Variants in GRAMD1B observed in about 807,000 individuals in gnomAD.
The protein encoded by GRAMD1B is protein Aster-B.
A neutral mutation model predicts 99.7 loss-of-function variants in GRAMD1B; 37 were observed. The observed-to-expected ratio is 0.37, with a 90% CI of 0.29 to 0.49. The LOEUF is 0.49. GRAMD1B is among the 20% of genes least tolerant of loss of function. The pLI is 0.98. For missense variants in GRAMD1B, 888 were observed against 1,009.2 expected, an observed-to-expected ratio of 0.88 and a Z score of 1.63; for synonymous variants, 427 against 387.6, an observed-to-expected ratio of 1.10 and a Z score of -1.19.
chr11:123,587,583 C>T lies in GRAMD1B; in HGVS notation c.684+3251C>T, dbSNP rs973277148. Among the ~76,000 whole-genome samples, 5 of 152,218 alleles carry T rather than the reference C, an allele frequency of 3.3e-5. No individual in the cohort carries two copies. Among genetic ancestry groups the T allele is most frequent in the African/African-American group, 1.2e-4 (5 of 41,466 alleles). The stretch of plus-strand genomic sequence containing the variant: ...GGCATAACATCACAGGGGTTTCCTT[C>T]CTTGGCCTCCTGGCGCATTCCTGCG... On this transcript the variant is annotated intron_variant, in intron 4 of 19. Transcript: ENST00000635736. The surrounding 1 kb of genome is among the most constrained non-coding windows in gnomAD (Gnocchi z 4.2).
chr11:123,484,951 C>T (rs893441072), intron 2 of GRAMD1B, among the ~76,000 whole-genome samples: 7 of 152,228 alleles, frequency 4.6e-5, no homozygotes, highest in Middle Eastern at 3.4e-3. Flanking sequence ...TGGGCAGTGG[C>T]GGGCATCTGG....
rs191333867 is a variant in GRAMD1B at position 123,613,082 on chromosome 11, A to T, written c.2023+218A>T. ...AGACTGTGTCTAGGATGTTTAAGAGATCATTGAGGGATCTATAAAACACCC... is the reference window on the plus strand; with the variant it reads ...AGACTGTGTCTAGGATGTTTAAGAGTTCATTGAGGGATCTATAAAACACCC... On this transcript the variant is annotated intron_variant, in intron 15 of 19. Transcript: ENST00000635736. 9 of 572,506 alleles carry T rather than the reference A, an allele frequency of 1.6e-5. No homozygotes were observed. The African/African-American group carries it at 1.7e-4, about 11-fold the overall frequency. The allele number at this position is 572,506 out of a possible 1,614,324, so 35.5% of individuals were successfully genotyped here.
intron 1 of GRAMD1B, among the ~76,000 whole-genome samples, chr11:123,381,909 G>T (rs1047541957): frequency 6.6e-5 from 10 of 152,158 alleles, no homozygotes; most frequent in African/African-American, 2.4e-4. Flanking sequence ...GCTTGGGGTG[G>T]GGTAAGTGTT....
At chr11:123,418,804 C>T (rs1237488965) in intron 1 of GRAMD1B, among the ~76,000 whole-genome samples, 2 of 152,194 alleles carry the variant, frequency 1.3e-5, no homozygotes, top group African/African-American at 4.8e-5. Context: ...CCTCTTCAAA[C>T]CTCCCAGCCC....
At chr11:123,490,968 A>G (rs1230194492) in intron 2 of GRAMD1B, among the ~76,000 whole-genome samples, 1 of 152,228 alleles carries the variant, frequency 6.6e-6, no homozygotes, top group Non-Finnish European at 1.5e-5. Context: ...AGGTGGAATG[A>G]GAATAGTGTG....
At chr11:123,537,762 G>T (rs990783421) in intron 2 of GRAMD1B, among the ~76,000 whole-genome samples, 2 of 152,140 alleles carry the variant, frequency 1.3e-5, no homozygotes, top group African/African-American at 2.4e-5. Flanking sequence ...AGCTTTCCTT[G>T]TATAAGCCAG....
chr11:123,483,968 C>T (rs1042297428), intron 2 of GRAMD1B, among the ~76,000 whole-genome samples: 2 of 152,156 alleles, frequency 1.3e-5, no homozygotes, highest in South Asian at 2.1e-4. Context: ...TTCCAAGGAG[C>T]AAAGACTAAT....
intron 4 of GRAMD1B, among the ~76,000 whole-genome samples, chr11:123,585,173 C>T (rs533517498): frequency 5.4e-4 from 83 of 152,310 alleles, no homozygotes; most frequent in East Asian, 2.5e-3. Flanking sequence ...GCCCCCTCCC[C>T]GGACACACCA....
At chr11:123,505,200 A>AC (rs1190075245) in intron 2 of GRAMD1B, among the ~76,000 whole-genome samples, 2 of 9,002 alleles carry the variant, frequency 2.2e-4, no homozygotes, top group Non-Finnish European at 1.2e-3. Context: ...AAAATATATT[A>AC]ATTTTTTTTT....
At chr11:123,417,655 G>A (rs1466123660) in intron 1 of GRAMD1B, among the ~76,000 whole-genome samples, 2 of 152,122 alleles carry the variant, frequency 1.3e-5, no homozygotes, top group African/African-American at 4.8e-5. Flanking sequence ...GAAACAAACA[G>A]GCTGGGCGCA....
chr11:123,572,263 A>G (rs1948186848), intron 2 of GRAMD1B, among the ~76,000 whole-genome samples: 2 of 152,218 alleles, frequency 1.3e-5, no homozygotes, highest in Admixed American at 1.3e-4. Flanking sequence ...TCTTCCTTCC[A>G]TCCCTACAGC....
At chr11:123,480,921 G>A in intron 2 of GRAMD1B, 28 bp downstream of exon 2, 1 of 398,850 alleles carries the variant, frequency 2.5e-6, no homozygotes. Context: ...GGGCGAGATG[G>A]GGGCAAAGAA....
intron 2 of GRAMD1B, among the ~76,000 whole-genome samples, chr11:123,504,172 A>G (rs1398346042): frequency 6.6e-6 from 1 of 152,070 alleles, no homozygotes; most frequent in Non-Finnish European, 1.5e-5. Flanking sequence ...CCCTTGGCCT[A>G]TCATGTTTTT....
intron 7 of GRAMD1B, chr11:123,598,300 G>A: frequency 2.3e-6 from 3 of 1,284,600 alleles, no homozygotes; most frequent in South Asian, 1.2e-5. Flanking sequence ...AAGTGGCCAA[G>A]TGGCAGGTTT....
chr11:123,527,055 C>T (rs1176865863), intron 2 of GRAMD1B, among the ~76,000 whole-genome samples: 1 of 152,132 alleles, frequency 6.6e-6, no homozygotes, highest in Non-Finnish European at 1.5e-5. Flanking sequence ...AGGAGAAAGG[C>T]TCCTTGGACT....
chr11:123,536,444 A>G (rs1195888107), intron 2 of GRAMD1B, among the ~76,000 whole-genome samples: 2 of 152,176 alleles, frequency 1.3e-5, no homozygotes, highest in African/African-American at 4.8e-5. Flanking sequence ...GAAAAATAAA[A>G]TAAAATAAAA....
intron 2 of GRAMD1B, among the ~76,000 whole-genome samples, chr11:123,507,273 C>T (rs115938112): frequency 0.014 from 2,062 of 151,842 alleles, 52 homozygotes; most frequent in African/African-American, 0.047. Flanking sequence ...TTGGCCCCCA[C>T]ACCTTTGGTT....
intron 2 of GRAMD1B, among the ~76,000 whole-genome samples, chr11:123,534,324 GAGA>G (rs1303324651): frequency 6.6e-6 from 1 of 152,218 alleles, no homozygotes; most frequent in African/African-American, 2.4e-5. Flanking sequence ...TGAGTAGGCT[GAGA>G]AGGAGAAAGA....
intron 2 of GRAMD1B, among the ~76,000 whole-genome samples, chr11:123,546,136 C>G (rs368687997): frequency 3.3e-5 from 5 of 152,350 alleles, no homozygotes; most frequent in African/African-American, 1.2e-4. Context: ...GACATAAGTA[C>G]AAGGTATTAT....
Sources: gnomAD v4.1 joint callset for allele counts (sites outside exome capture counted in the v4.1 genomes callset) on GRCh38, gnomAD v4.1.1 for gene constraint, Gnocchi (gnomAD v3.1) non-coding constraint, MANE v1.5 for transcripts, NCBI Gene and HGNC (gene_info 2026-07-23, HGNC 2026-07-21) for gene names.